Variants in RANBP2 observed in about 807,000 individuals in gnomAD.
RANBP2 encodes the protein RAN binding protein 2.
Under a neutral mutation model 303.6 loss-of-function variants are expected in RANBP2, and 57 were observed. The ratio of observed to expected loss-of-function variants is 0.19; its 90% CI spans 0.15 to 0.23. The LOEUF is 0.23. Ranked by LOEUF, RANBP2 falls within the 10% of genes least tolerant of loss-of-function variation. RANBP2 has a pLI of 1.00. For synonymous variants in RANBP2, 1,167 were observed against 1,301.5 expected, an observed-to-expected ratio of 0.90 and a Z score of 2.23; for missense variants, 3,138 against 3,780.8, an observed-to-expected ratio of 0.83 and a Z score of 4.46.
At chr2:108,874,796 G>C in the RANBP2 span, among the ~76,000 whole-genome samples, 1 of 152,080 alleles carries the variant, frequency 6.6e-6, no homozygotes, top group Non-Finnish European at 1.5e-5. Context: ...TTTTCTTGCA[G>C]ACTATACCGT....
In RANBP2 at chr2:108,768,118, A is replaced by G. The variant is rs1378452933; in HGVS notation, c.7579A>G (p.Ser2527Gly). The G allele has an allele frequency of 6.2e-7, 1 of 1,612,062 alleles. No homozygotes were observed. Among genetic ancestry groups the G allele is most frequent in the Non-Finnish European group, 8.5e-7 (1 of 1,179,868 alleles). ...GSESVKSIFS[S>G]EKSKPFAFGN... ...AGAGTCTGTTAAAAGCATTTTTAGT[A>G]GTGAAAAATCAAAACCATTTGCATT... The change falls in exon 20 of 29, where the codon AGT becomes GGT. Residue 2527 changes from serine (S) to glycine (G), a missense_variant. Around this residue, in one of 20 missense-constraint regions of RANBP2, gnomAD observed 497 missense variants for 465.8 expected, o/e 1.07. Coordinates refer to ENST00000283195, the MANE Select transcript of RANBP2 (RefSeq NM_006267.5).
the RANBP2 span, among the ~76,000 whole-genome samples, chr2:109,083,252 C>A: frequency 1.3e-5 from 2 of 152,190 alleles, no homozygotes; most frequent in Non-Finnish European, 2.9e-5. Context: ...TTTGTACCTT[C>A]TCAGACTGAA....
the RANBP2 span, among the ~76,000 whole-genome samples, chr2:109,674,716 C>T: frequency 3.3e-5 from 5 of 152,206 alleles, no homozygotes; most frequent in African/African-American, 9.6e-5. Context: ...GCAGTATCTA[C>T]TAACTCCTTG....
the RANBP2 span, among the ~76,000 whole-genome samples, chr2:109,328,613 G>T: frequency 2.6e-5 from 4 of 152,204 alleles, no homozygotes; most frequent in Admixed American, 2.0e-4. Context: ...AGCGTTCCAG[G>T]TTATCCAGGA....
chr2:109,078,268 GTATATATATATATATA>G, the RANBP2 span, among the ~76,000 whole-genome samples: 2 of 46,268 alleles, frequency 4.3e-5, no homozygotes, highest in South Asian at 1.2e-3. Context: ...TATATAGCGC[GTATATATATATATATA>G]TATATATATA....
At chr2:109,011,828 C>G in the RANBP2 span, among the ~76,000 whole-genome samples, 9 of 152,032 alleles carry the variant, frequency 5.9e-5, no homozygotes, top group African/African-American at 2.2e-4. Context: ...TTTTAATTCT[C>G]TAGTCATTCC....
At chr2:109,096,995 C>G in the RANBP2 span, among the ~76,000 whole-genome samples, 1 of 152,074 alleles carries the variant, frequency 6.6e-6, no homozygotes, top group Non-Finnish European at 1.5e-5. Context: ...GGCTTCCCCC[C>G]ACCCACCAAA....
chr2:109,247,774 C>A, the RANBP2 span, among the ~76,000 whole-genome samples: 2 of 152,158 alleles, frequency 1.3e-5, no homozygotes, highest in East Asian at 3.8e-4. Flanking sequence ...TAAAATAATA[C>A]CTTTTTATTT....
the RANBP2 span, among the ~76,000 whole-genome samples, chr2:109,289,937 C>G: frequency 6.6e-6 from 1 of 152,146 alleles, no homozygotes; most frequent in Non-Finnish European, 1.5e-5. Context: ...AAATCCAAAG[C>G]CTATGGGGCT....
the RANBP2 span, among the ~76,000 whole-genome samples, chr2:108,811,167 A>C: frequency 5.6e-5 from 7 of 125,474 alleles, no homozygotes; most frequent in African/African-American, 1.3e-4. Flanking sequence ...TACCCCCCTA[A>C]CCCTGCCTTC....
chr2:108,722,752 C>T (rs1486549445), intron 1 of RANBP2, among the ~76,000 whole-genome samples: 4 of 150,802 alleles, frequency 2.7e-5, no homozygotes, highest in African/African-American at 9.9e-5. Context: ...ATGAGCCGGG[C>T]GTGGTGGCAG....
At chr2:109,629,477 T>C in the RANBP2 span, among the ~76,000 whole-genome samples, 1 of 151,274 alleles carries the variant, frequency 6.6e-6, no homozygotes, top group Non-Finnish European at 1.5e-5. Flanking sequence ...GATTTTTAAA[T>C]CTCAACACCA....
the RANBP2 span, among the ~76,000 whole-genome samples, chr2:109,136,961 T>C: frequency 6.6e-6 from 1 of 152,196 alleles, no homozygotes; most frequent in African/African-American, 2.4e-5. Context: ...GCTGATGCTT[T>C]TCTCTCTCTG....
At chr2:109,733,722 C>T in the RANBP2 span, among the ~76,000 whole-genome samples, 3 of 151,926 alleles carry the variant, frequency 2.0e-5, no homozygotes, top group South Asian at 6.3e-4. Context: ...AAATCAAAAA[C>T]AAAACTGAGC....
the RANBP2 span, among the ~76,000 whole-genome samples, chr2:109,505,875 A>G: frequency 1.3e-5 from 2 of 152,180 alleles, no homozygotes; most frequent in Admixed American, 1.3e-4. Context: ...GCCAGAGGAA[A>G]TGCAGGCAAT....
the RANBP2 span, among the ~76,000 whole-genome samples, chr2:109,692,295 G>A: frequency 1.7e-4 from 26 of 151,980 alleles, no homozygotes; most frequent in East Asian, 4.7e-3. Context: ...CAGGCTGGGG[G>A]CGGTGGGGAG....
chr2:108,916,723 T>G, the RANBP2 span, among the ~76,000 whole-genome samples: 1 of 152,064 alleles, frequency 6.6e-6, no homozygotes, highest in Non-Finnish European at 1.5e-5. Flanking sequence ...GGGGGCAAGA[T>G]GGGTGGGATG....
At chr2:109,566,245 C>T in the RANBP2 span, among the ~76,000 whole-genome samples, 2 of 151,990 alleles carry the variant, frequency 1.3e-5, no homozygotes, top group Admixed American at 6.6e-5. Context: ...CTCAGCCTCC[C>T]GAGTAGCTGG....
chr2:109,354,801 G>C, the RANBP2 span, among the ~76,000 whole-genome samples: 6 of 152,260 alleles, frequency 3.9e-5, no homozygotes, highest in Non-Finnish European at 8.8e-5. Context: ...CCAGGTGGAA[G>C]TGAAAACACA....
Sources: gnomAD v4.1 joint callset for allele counts (sites outside exome capture counted in the v4.1 genomes callset) on GRCh38, gnomAD v4.1.1 for gene constraint, gnomAD v4.1.1 regional missense constraint, MANE v1.5 for transcripts, NCBI Gene and HGNC (gene_info 2026-07-23, HGNC 2026-07-21) for gene names.